Variants in KIAA1328 observed in about 807,000 individuals in gnomAD.
KIAA1328 encodes KIAA1328.
A neutral mutation model predicts 68.1 loss-of-function variants in KIAA1328; 52 were observed. The ratio of observed to expected loss-of-function variants is 0.76; its 90% CI spans 0.61 to 0.96. The LOEUF (loss-of-function observed/expected upper bound fraction) is 0.96. Among genes scored for constraint, KIAA1328 ranks in the 40% least tolerant of loss-of-function variants. The probability of loss-of-function intolerance (pLI) is 0.00; values close to 1 mark genes in which losing one functional copy is unlikely to be tolerated. For synonymous variants in KIAA1328, 232 were observed against 239.4 expected, an observed-to-expected ratio of 0.97 and a Z score of 0.28; for missense variants, 641 against 677.6, an observed-to-expected ratio of 0.95 and a Z score of 0.60.
intron 7 of KIAA1328, among the ~76,000 whole-genome samples, chr18:37,110,082 C>T (rs1314455970): frequency 6.6e-6 from 1 of 151,064 alleles, no homozygotes; most frequent in Non-Finnish European, 1.5e-5. Context: ...TATTTTTCAA[C>T]ATTTTTTTCG....
At chr18:37,116,964 C>A (rs544454382) in intron 7 of KIAA1328, among the ~76,000 whole-genome samples, 2 of 152,274 alleles carry the variant, frequency 1.3e-5, no homozygotes, top group African/African-American at 4.8e-5. Flanking sequence ...CAATGAAATA[C>A]CATCTCACAA....
intron 5 of KIAA1328, among the ~76,000 whole-genome samples, chr18:36,950,253 A>G (rs183651355): frequency 2.1e-3 from 324 of 152,306 alleles, no homozygotes; most frequent in African/African-American, 7.6e-3. Context: ...TAGGTTAGAA[A>G]ACATTTTAGT....
chr18:36,944,382 T>G (rs548326527), intron 5 of KIAA1328, among the ~76,000 whole-genome samples: 18 of 152,066 alleles, frequency 1.2e-4, no homozygotes, highest in Admixed American at 3.9e-4. Context: ...ATCGAGACCA[T>G]CCTGGCTAAC....
rs192680345 is a variant in KIAA1328, at chr18:37,098,058, C to G, written c.1232+30513C>G. On this transcript the variant is annotated intron_variant, in intron 7 of 9. Coordinates refer to ENST00000280020, the MANE Select transcript of KIAA1328 (RefSeq NM_020776.3). The stretch of plus-strand genomic sequence containing the variant: ...ACTTCCTCTTTTCCTAATTGAATAC[C>G]CTTCATTTCCTTCTCGTGCCTGATT... 2.1e-3 allele frequency among the ~76,000 whole-genome samples: 312 copies of G among 151,898 alleles called. 7 individuals carry two copies. The highest frequency in any genetic ancestry group is 1.1e-3 in the Non-Finnish European group (75 of 67,926).
In KIAA1328 at chr18:36,829,152, C is replaced by T. The variant is rs1053006436; in HGVS notation, c.14C>T (p.Ala5Val). Residue 5 changes from alanine (A) to valine (V), a missense_variant, in exon 1 of 10, where the codon GCG becomes GTG. By Grantham distance (64) the Ala-to-Val change is moderately conservative. Transcript: ENST00000280020. Reference protein sequence around the residue: MADVAGPSRPSAAAF... With the variant: MADVVGPSRPSAAAF... ...GGTTGTTTCAAGATGGCGGACGTGG[C>T]GGGCCCCTCCCGCCCCAGTGCCGCG... 24 of 1,533,404 alleles carry T rather than the reference C, an allele frequency of 1.6e-5. No individual in the cohort carries two copies. The highest frequency in any genetic ancestry group is 2.1e-5 in the Non-Finnish European group (24 of 1,142,118). The allele number at this position is 1,533,404 out of a possible 1,614,324, so 95.0% of individuals were successfully genotyped here. A position where few individuals can be genotyped will look rare whatever the true frequency, so the allele number is the denominator to read the frequency against.
chr18:36,931,670 C>G lies in KIAA1328; in HGVS notation c.449-27638C>G, dbSNP rs538333365. 4.1e-4 allele frequency among the ~76,000 whole-genome samples: 63 copies of G among 151,936 alleles called. No homozygotes were observed. The East Asian group carries it at 0.012, about 29-fold the overall frequency. On this transcript the variant is annotated intron_variant, in intron 5 of 9. Coordinates refer to ENST00000280020, the MANE Select transcript of KIAA1328 (RefSeq NM_020776.3). ...CTATCATATATTTCAATTTTTTATT[C>G]ATTTTAAATATGTGAAATATTAATT...
At chr18:36,831,827 G>C (rs537131905) in intron 1 of KIAA1328, among the ~76,000 whole-genome samples, 4 of 152,258 alleles carry the variant, frequency 2.6e-5, no homozygotes, top group African/African-American at 9.6e-5. Flanking sequence ...GGAGGTCTGG[G>C]ATAGAGGTGC....
intron 7 of KIAA1328, among the ~76,000 whole-genome samples, chr18:37,091,881 C>G (rs1167062235): frequency 6.6e-6 from 1 of 152,178 alleles, no homozygotes; most frequent in Non-Finnish European, 1.5e-5. Context: ...CATGCGCTCC[C>G]CATAGCCTGA....
intron 7 of KIAA1328, among the ~76,000 whole-genome samples, chr18:37,159,522 T>C (rs1188904651): frequency 1.3e-5 from 2 of 152,212 alleles, no homozygotes; most frequent in Non-Finnish European, 2.9e-5. Context: ...TAGTGAGAGA[T>C]AACACATCAT....
At chr18:37,218,322 T>C (rs1006226123) in intron 9 of KIAA1328, among the ~76,000 whole-genome samples, 5 of 152,236 alleles carry the variant, frequency 3.3e-5, no homozygotes, top group South Asian at 2.1e-4. Context: ...TACCAGTTAA[T>C]TGGGCTCCTT....
At chr18:37,127,953 A>C (rs323303) in intron 7 of KIAA1328, among the ~76,000 whole-genome samples, 1 of 151,874 alleles carries the variant, frequency 6.6e-6, no homozygotes, top group Non-Finnish European at 1.5e-5. Context: ...AAGTGCCACA[A>C]TAATTCCATG....
At chr18:36,848,215 G>A (rs919195065) in intron 4 of KIAA1328, among the ~76,000 whole-genome samples, 1 of 151,370 alleles carries the variant, frequency 6.6e-6, no homozygotes, top group Non-Finnish European at 1.5e-5. Context: ...TATCTATTAA[G>A]TATTTAAATT....
chr18:37,072,228 G>A (rs542955453), intron 7 of KIAA1328, among the ~76,000 whole-genome samples: 151 of 150,166 alleles, frequency 1.0e-3, no homozygotes, highest in South Asian at 2.7e-3. Context: ...ATATGAAAAT[G>A]TTCTTATTTT....
chr18:37,017,538 T>C (rs1479976091), intron 6 of KIAA1328, among the ~76,000 whole-genome samples: 5 of 152,098 alleles, frequency 3.3e-5, no homozygotes, highest in Non-Finnish European at 5.9e-5. Context: ...GCCTCAGTGA[T>C]CTGTCTTATG....
At chr18:36,972,215 A>T (rs1054872820) in intron 6 of KIAA1328, among the ~76,000 whole-genome samples, 1 of 152,240 alleles carries the variant, frequency 6.6e-6, no homozygotes, top group Non-Finnish European at 1.5e-5. Flanking sequence ...AATTGAACAC[A>T]TGCGAAAAGA....
At chr18:37,009,768 A>G (rs959489762) in intron 6 of KIAA1328, among the ~76,000 whole-genome samples, 3 of 152,194 alleles carry the variant, frequency 2.0e-5, no homozygotes, top group South Asian at 2.1e-4. Context: ...GAGCCAAAAG[A>G]TAAAAGAAAC....
chr18:36,981,959 G>A (rs577286829), intron 6 of KIAA1328, among the ~76,000 whole-genome samples: 1 of 151,152 alleles, frequency 6.6e-6, no homozygotes, highest in South Asian at 2.1e-4. Context: ...GGATTAATGG[G>A]AGATTAGACA....
intron 9 of KIAA1328, among the ~76,000 whole-genome samples, chr18:37,215,456 A>T (rs892021922): frequency 1.9e-4 from 29 of 152,096 alleles, no homozygotes; most frequent in African/African-American, 6.8e-4. Context: ...ACATTTATTG[A>T]TTTGCGTATG....
chr18:37,016,860 T>C (rs2054170894), intron 6 of KIAA1328, among the ~76,000 whole-genome samples: 1 of 152,274 alleles, frequency 6.6e-6, no homozygotes, highest in South Asian at 2.1e-4. Flanking sequence ...TCTCTCTTCT[T>C]TTCTTTATTA....
Sources: gnomAD v4.1 joint callset for allele counts (sites outside exome capture counted in the v4.1 genomes callset) on GRCh38, gnomAD v4.1.1 for gene constraint, MANE v1.5 for transcripts, NCBI Gene and HGNC (gene_info 2026-07-23, HGNC 2026-07-21) for gene names.